TANGO6: variants seen among roughly 807,000 people sequenced by gnomAD.
TANGO6 encodes the protein transport and Golgi organization protein 6 homolog.
In TANGO6, 90 loss-of-function variants were observed where a neutral mutation model predicts 114.2. The ratio of observed to expected loss-of-function variants is 0.79; its 90% CI spans 0.66 to 0.94. The LOEUF (loss-of-function observed/expected upper bound fraction) is 0.94. Ranked by LOEUF, TANGO6 falls within the 40% of genes least tolerant of loss-of-function variation. TANGO6 has a pLI of 0.00. For missense variants in TANGO6, 1,274 were observed against 1,315.3 expected, an observed-to-expected ratio of 0.97 and a Z score of 0.49; for synonymous variants, 477 against 509.8, an observed-to-expected ratio of 0.94 and a Z score of 0.87.
At chr16:69,044,087 C>G (rs1029448952) in intron 17 of TANGO6, among the ~76,000 whole-genome samples, 1 of 152,168 alleles carries the variant, frequency 6.6e-6, no homozygotes, top group Non-Finnish European at 1.5e-5. Context: ...TTTTTTGAGA[C>G]AGAGTCTCAC....
At chr16:68,941,770 T>C (rs1963356486) in intron 14 of TANGO6, among the ~76,000 whole-genome samples, 1 of 151,394 alleles carries the variant, frequency 6.6e-6, no homozygotes, top group Non-Finnish European at 1.5e-5. Flanking sequence ...ACAACTTAGG[T>C]TTGATTTTGG....
intron 15 of TANGO6, among the ~76,000 whole-genome samples, chr16:69,012,564 A>AAAAAAAAAAAAAAAAAAAAAAAAAAG (rs1964152438): frequency 6.9e-6 from 1 of 144,470 alleles, no homozygotes; most frequent in African/African-American, 2.6e-5. Context: ...CTCAAAAAAA[A>AAAAAAAAAAAAAAAAAAAAAAAAAAG]AAAAAAAAAA....
intron 15 of TANGO6, among the ~76,000 whole-genome samples, chr16:69,016,390 C>G (rs1261850879): frequency 2.7e-5 from 4 of 150,556 alleles, no homozygotes. Flanking sequence ...AAGAGCGAAA[C>G]TCCATCTCAA....
At chr16:69,021,647 T>C (rs1959407801) in intron 15 of TANGO6, among the ~76,000 whole-genome samples, 1 of 152,106 alleles carries the variant, frequency 6.6e-6, no homozygotes, top group Admixed American at 6.6e-5. Context: ...ATCATAGTTC[T>C]CTTTCTCCAG....
chr16:68,891,856 GGGGA>G (rs1029658366), intron 7 of TANGO6, among the ~76,000 whole-genome samples: 9 of 148,592 alleles, frequency 6.1e-5, no homozygotes, highest in African/African-American at 1.2e-4. Flanking sequence ...AAAAGGAAAG[GGGGA>G]GGGAGGGAGG....
At chr16:69,080,865 G>A (rs1169744363) in intron 17 of TANGO6, among the ~76,000 whole-genome samples, 2 of 152,144 alleles carry the variant, frequency 1.3e-5, no homozygotes, top group African/African-American at 2.4e-5. Flanking sequence ...TAGGCCGGGC[G>A]CGGTGGCTCA....
Position 68,909,260 on chromosome 16 carries a change from C to G in TANGO6, c.1850C>G (p.Pro617Arg), listed in dbSNP as rs768217239. 4.4e-6 allele frequency: 7 copies of G among 1,606,824 alleles called. No individual in the cohort carries two copies. The highest frequency in any genetic ancestry group is 5.9e-6 in the Non-Finnish European group (7 of 1,176,472). The change falls in exon 11 of 18, where the codon CCC becomes CGC. Residue 617 changes from proline (P) to arginine (R), a missense_variant. By Grantham distance (103) the Pro-to-Arg change is moderately radical. Coordinates refer to ENST00000261778, the MANE Select transcript of TANGO6 (RefSeq NM_024562.2). ...SENETELKTE[P>R]FSSKSLLELE... ...AATGAAACAGAGTTAAAAACTGAGC[C>G]CTTCTCCAGCAAGAGCCTCTTGGAA...
intron 16 of TANGO6, among the ~76,000 whole-genome samples, chr16:69,039,480 A>G (rs1026152155): frequency 6.6e-6 from 1 of 151,720 alleles, no homozygotes. Flanking sequence ...TACAAAAAAT[A>G]ATCAAATTAG....
At chr16:69,016,066 A>T (rs556646206) in intron 15 of TANGO6, among the ~76,000 whole-genome samples, 15 of 150,826 alleles carry the variant, frequency 9.9e-5, no homozygotes, top group African/African-American at 2.7e-4. Context: ...CCCGCTCCTT[A>T]TTTTTTTTCA....
intron 17 of TANGO6, among the ~76,000 whole-genome samples, chr16:69,067,678 C>T (rs1405857726): frequency 6.6e-6 from 1 of 151,922 alleles, no homozygotes; most frequent in Non-Finnish European, 1.5e-5. Flanking sequence ...TGGCTCATGC[C>T]TCTAATCCCA....
chr16:68,895,126 C>A (rs770240883), intron 7 of TANGO6, among the ~76,000 whole-genome samples: 2 of 152,138 alleles, frequency 1.3e-5, no homozygotes, highest in Non-Finnish European at 2.9e-5. Context: ...AAATGTTTGG[C>A]TGAATACCTG....
At chr16:68,870,802 C>CTTT (rs59539664) in intron 4 of TANGO6, among the ~76,000 whole-genome samples, 1 of 144,216 alleles carries the variant, frequency 6.9e-6, no homozygotes, top group Non-Finnish European at 1.5e-5. Flanking sequence ...CAATGAATTT[C>CTTT]TTTTTTTTTT....
At chr16:69,073,925 C>G (rs1249063861) in intron 17 of TANGO6, among the ~76,000 whole-genome samples, 3 of 151,482 alleles carry the variant, frequency 2.0e-5, no homozygotes, top group Non-Finnish European at 4.4e-5. Context: ...ATTCACTGCT[C>G]TCCAGCCTGG....
At chr16:69,054,035 A>G (rs1351399783) in intron 17 of TANGO6, among the ~76,000 whole-genome samples, 2 of 152,172 alleles carry the variant, frequency 1.3e-5, no homozygotes, top group East Asian at 3.8e-4. Flanking sequence ...ATTGCACTCC[A>G]GCCTGGGCAA....
chr16:68,853,135 T>C lies in TANGO6; in HGVS notation c.95-6749T>C, dbSNP rs760669728. On this transcript the variant is annotated intron_variant, in intron 1 of 17. Transcript: ENST00000261778. ...TATATACAATGAAATGCACAAATAA[T>C]ACATACATCATTCAGTGAGTTTTAA... is the stretch of plus-strand genomic sequence containing the variant. Among the ~76,000 whole-genome samples, 46 of 152,140 alleles carry C rather than the reference T, an allele frequency of 3.0e-4. 1 individual carries two copies. The highest frequency in any genetic ancestry group is 6.6e-5 in the Admixed American group (1 of 15,258).
chr16:69,035,024 A>T (rs1000262547), intron 16 of TANGO6: 1 of 152,154 alleles, frequency 6.6e-6, no homozygotes, highest in Non-Finnish European at 1.5e-5. Flanking sequence ...AGCAAATAAG[A>T]TGTGTCCCAG....
Position 68,845,316 on chromosome 16 carries a change from C to T in TANGO6, c.94+1605C>T, listed in dbSNP as rs1029016545. 4.7e-4 allele frequency among the ~76,000 whole-genome samples: 72 copies of T among 152,038 alleles called. 1 individual carries two copies. The highest frequency in any genetic ancestry group is 1.6e-3 in the African/African-American group (68 of 41,388). ...AGAACACGTTTAAATAAGCAAAAAT[C>T]CTGAAAGTAATCATCTGTTATGAAA... On this transcript the variant is annotated intron_variant, in intron 1 of 17. Coordinates refer to ENST00000261778, the MANE Select transcript of TANGO6 (RefSeq NM_024562.2).
At chr16:68,914,038 C>A (rs979748490) in intron 11 of TANGO6, among the ~76,000 whole-genome samples, 1 of 152,182 alleles carries the variant, frequency 6.6e-6, no homozygotes, top group Admixed American at 6.5e-5. Context: ...GCCTCCACCC[C>A]TTCCACTCAG....
Position 68,927,765 on chromosome 16 carries a change from A to T in TANGO6, c.2325A>T (p.Lys775Asn), listed in dbSNP as rs1201194261. The T allele has an allele frequency of 6.2e-7, 1 of 1,614,016 alleles. No homozygotes were observed. Among genetic ancestry groups the T allele is most frequent in the Non-Finnish European group, 8.5e-7 (1 of 1,179,888 alleles). Residue 775 changes from lysine to asparagine, a missense_variant, in exon 13 of 18, where the codon AAA (lysine) becomes AAT (asparagine). Physicochemically the swap from Lys to Asn is moderately conservative, Grantham distance 94. Coordinates refer to ENST00000261778, the MANE Select transcript of TANGO6 (RefSeq NM_024562.2). Reference protein sequence around the residue: ...STLNRKDLEGKIEEQQQTSHE... With the variant: ...STLNRKDLEGNIEEQQQTSHE... ...TGAACAGAAAAGATCTGGAAGGGAA[A>T]ATAGAAGAGCAGCAACAAACCAGTC...
Sources: gnomAD v4.1 joint callset for allele counts (sites outside exome capture counted in the v4.1 genomes callset) on GRCh38, gnomAD v4.1.1 for gene constraint, MANE v1.5 for transcripts, NCBI Gene and HGNC (gene_info 2026-07-23, HGNC 2026-07-21) for gene names.